Variants in CA10 observed in about 807,000 individuals in gnomAD.
CA10 encodes the protein carbonic anhydrase-related protein 10.
In CA10, 14 loss-of-function variants were observed where a neutral mutation model predicts 44.2. That is an observed-to-expected ratio of 0.32 (90% confidence interval 0.21 to 0.50). The LOEUF (loss-of-function observed/expected upper bound fraction) is 0.50. Among genes scored for constraint, CA10 ranks in the 20% least tolerant of loss-of-function variants. CA10 has a pLI of 0.99. For missense variants in CA10, 350 were observed against 409.7 expected (o/e 0.85, Z 1.26); for synonymous variants, 159 against 141.6 (o/e 1.12, Z -0.87).
intron 4 of CA10, among the ~76,000 whole-genome samples, chr17:51,705,671 C>A (rs1366376993): frequency 6.6e-6 from 1 of 152,136 alleles, no homozygotes; most frequent in African/African-American, 2.4e-5. Flanking sequence ...TGTAAACTCA[C>A]TGCTCATAAG....
chr17:51,938,175 A>G (rs1301940344), intron 2 of CA10, among the ~76,000 whole-genome samples: 1 of 152,178 alleles, frequency 6.6e-6, no homozygotes, highest in African/African-American at 2.4e-5. Context: ...GGTGACAGCT[A>G]CTTCACAGAG....
intron 3 of CA10, among the ~76,000 whole-genome samples, chr17:51,831,716 A>AGCGGCGGCGGCGGCGGCAGCGGCGGCG (rs1418205699): frequency 9.0e-6 from 1 of 111,176 alleles, no homozygotes; most frequent in African/African-American, 3.1e-5. Flanking sequence ...CAGCAGCAGC[A>AGCGGCGGCGGCGGCGGCAGCGGCGGCG]GCAGCAGCAG....
At chr17:51,641,818 C>G (rs769040575) in intron 6 of CA10, among the ~76,000 whole-genome samples, 4 of 151,970 alleles carry the variant, frequency 2.6e-5, no homozygotes, top group Non-Finnish European at 5.9e-5. Context: ...TAACAGGCAG[C>G]CTCTGTTAAA....
intron 4 of CA10, among the ~76,000 whole-genome samples, chr17:51,746,222 C>T (rs565531685): frequency 1.9e-4 from 29 of 152,346 alleles, no homozygotes; most frequent in African/African-American, 5.0e-4. Context: ...ACTGCCCTGA[C>T]ATGCCTCGGG....
chr17:52,050,182 A>G (rs1987023331), intron 2 of CA10, among the ~76,000 whole-genome samples: 1 of 152,090 alleles, frequency 6.6e-6, no homozygotes, highest in African/African-American at 2.4e-5. Flanking sequence ...TAGTTTACCA[A>G]TTCAGACAAT....
chr17:51,935,656 G>A (rs973620987), intron 2 of CA10, among the ~76,000 whole-genome samples: 1 of 152,090 alleles, frequency 6.6e-6, no homozygotes, highest in Non-Finnish European at 1.5e-5. Context: ...AATCCCAAAC[G>A]TTCTCTTGGC....
intron 4 of CA10, among the ~76,000 whole-genome samples, chr17:51,691,128 T>C (rs984746711): frequency 2.0e-5 from 3 of 152,254 alleles, no homozygotes; most frequent in Non-Finnish European, 2.9e-5. Context: ...GTGGTTTTAC[T>C]TTTTTGAAGA....
chr17:52,093,559 A>G (rs1988324158), intron 1 of CA10, among the ~76,000 whole-genome samples: 1 of 151,982 alleles, frequency 6.6e-6, no homozygotes, highest in Non-Finnish European at 1.5e-5. Context: ...TTTAATCATC[A>G]CTTAACTTTT....
chr17:52,026,241 A>T (rs1986297176), intron 2 of CA10, among the ~76,000 whole-genome samples: 1 of 152,146 alleles, frequency 6.6e-6, no homozygotes, highest in Admixed American at 6.6e-5. Flanking sequence ...AGGATTCTTC[A>T]TCAAAGTGAG....
chr17:51,943,852 T>A (rs117724542), intron 2 of CA10, among the ~76,000 whole-genome samples: 1,983 of 152,234 alleles, frequency 0.013, 24 homozygotes, highest in Non-Finnish European at 0.022. Flanking sequence ...ACCTTAACAA[T>A]GACAGGCCTA....
intron 2 of CA10, among the ~76,000 whole-genome samples, chr17:52,052,941 G>C (rs887948362): frequency 3.3e-5 from 5 of 151,966 alleles, no homozygotes; most frequent in Admixed American, 3.3e-4. Context: ...GTGAGAGAGA[G>C]AGTGTGTGTG....
chr17:52,095,642 C>A (rs933681570), intron 1 of CA10, among the ~76,000 whole-genome samples: 16 of 152,140 alleles, frequency 1.1e-4, no homozygotes, highest in African/African-American at 3.9e-4. Flanking sequence ...TGGTAAGATT[C>A]CCTTTATCAG....
chr17:51,900,755 A>G (rs1232137851), intron 3 of CA10, among the ~76,000 whole-genome samples: 2 of 152,074 alleles, frequency 1.3e-5, no homozygotes, highest in Admixed American at 1.3e-4. Flanking sequence ...ATTTTGGAAA[A>G]GCAGTGTTCG....
At chr17:51,967,358 A>G (rs530178288) in intron 2 of CA10, among the ~76,000 whole-genome samples, 3 of 150,046 alleles carry the variant, frequency 2.0e-5, no homozygotes, top group African/African-American at 7.3e-5. Flanking sequence ...ATATGAATAT[A>G]AATAATTCTA....
chr17:52,130,349 A>G (rs1989208509), intron 1 of CA10, among the ~76,000 whole-genome samples: 1 of 152,228 alleles, frequency 6.6e-6, no homozygotes, highest in African/African-American at 2.4e-5. Flanking sequence ...AGATATCTAC[A>G]TTCTCATGTT....
intron 1 of CA10, among the ~76,000 whole-genome samples, chr17:52,119,584 C>A (rs1988969081): frequency 6.6e-6 from 1 of 152,102 alleles, no homozygotes; most frequent in African/African-American, 2.4e-5. Context: ...TGGCTGGGCT[C>A]AGCTTTAAAA....
At chr17:52,103,246 TTTTC>T (rs1489541231) in intron 1 of CA10, among the ~76,000 whole-genome samples, 2 of 152,174 alleles carry the variant, frequency 1.3e-5, no homozygotes, top group Non-Finnish European at 2.9e-5. Context: ...AGCGTTATTG[TTTTC>T]TTTCTTTGGG....
chr17:51,638,936 G>A (rs1042461080), intron 6 of CA10, among the ~76,000 whole-genome samples: 1 of 152,128 alleles, frequency 6.6e-6, no homozygotes, highest in African/African-American at 2.4e-5. Context: ...GGGGACAGAT[G>A]GAGTGTGAGG....
intron 4 of CA10, among the ~76,000 whole-genome samples, chr17:51,710,921 C>CTTTTTTTTT (rs55854155): frequency 1.4e-4 from 12 of 84,472 alleles, no homozygotes; most frequent in African/African-American, 3.3e-4. Flanking sequence ...CAACATTTTG[C>CTTTTTTTTT]TTTTTTTTTT....
Sources: gnomAD v4.1 joint callset for allele counts (sites outside exome capture counted in the v4.1 genomes callset) on GRCh38, gnomAD v4.1.1 for gene constraint, MANE v1.5 for transcripts, NCBI Gene and HGNC (gene_info 2026-07-23, HGNC 2026-07-21) for gene names.